The following PTPRT variants were observed in gnomAD, a reference collection of about 807,000 sequenced individuals.
The protein encoded by PTPRT is receptor-type tyrosine-protein phosphatase T.
Under a neutral mutation model 176.8 loss-of-function variants are expected in PTPRT, and 56 were observed. The ratio of observed to expected loss-of-function variants is 0.32; its 90% CI spans 0.26 to 0.40. The LOEUF is 0.40. PTPRT is among the 10% of genes least tolerant of loss of function. The probability of loss-of-function intolerance (pLI) is 1.00; values close to 1 mark genes in which losing one functional copy is unlikely to be tolerated. For synonymous variants in PTPRT, 783 were observed against 739.0 expected (o/e 1.06, Z -0.96); for missense variants, 1,540 against 1,908.2 (o/e 0.81, Z 3.60).
intron 3 of PTPRT, among the ~76,000 whole-genome samples, chr20:42,786,080 C>T (rs2077285672): frequency 6.6e-6 from 1 of 152,178 alleles, no homozygotes; most frequent in South Asian, 2.1e-4. Context: ...GTTCCTCCTT[C>T]ACAGGCTCTC....
At chr20:42,839,311 T>G (rs1342134793) in intron 2 of PTPRT, among the ~76,000 whole-genome samples, 2 of 151,640 alleles carry the variant, frequency 1.3e-5, no homozygotes, top group African/African-American at 2.4e-5. Context: ...CACTCTGTTT[T>G]TTTTTTTTTT....
intron 3 of PTPRT, among the ~76,000 whole-genome samples, chr20:42,786,508 C>CT (rs1191207300): frequency 6.6e-6 from 1 of 152,146 alleles, no homozygotes; most frequent in Non-Finnish European, 1.5e-5. Context: ...GTGCTTCCTA[C>CT]GCTGGAAGAT....
intron 15 of PTPRT, 104 bp from the exon 16 acceptor site, chr20:42,199,492 A>G: frequency 7.9e-7 from 1 of 1,272,732 alleles, no homozygotes; most frequent in Non-Finnish European, 1.1e-6. Context: ...CAACCCCCAA[A>G]TCTGGTTCAT....
intron 2 of PTPRT, among the ~76,000 whole-genome samples, chr20:42,862,676 G>A (rs919020923): frequency 3.3e-5 from 5 of 152,162 alleles, no homozygotes; most frequent in African/African-American, 1.2e-4. Context: ...CGAATGTGCC[G>A]ATCTGCATTG....
the PTPRT span, among the ~76,000 whole-genome samples, chr20:42,058,284 G>A: frequency 6.6e-6 from 1 of 152,168 alleles, no homozygotes; most frequent in African/African-American, 2.4e-5. Flanking sequence ...CTCATATAAA[G>A]GTTCTCTTAG....
At chr20:43,183,329 A>G (rs2015312981) in intron 1 of PTPRT, among the ~76,000 whole-genome samples, 2 of 152,230 alleles carry the variant, frequency 1.3e-5, no homozygotes, top group African/African-American at 4.8e-5. Context: ...GCCGGGGACC[A>G]GGCTTGACAA....
the PTPRT span, among the ~76,000 whole-genome samples, chr20:42,038,453 G>A: frequency 1.3e-5 from 2 of 152,308 alleles, no homozygotes; most frequent in East Asian, 3.9e-4. Context: ...CAATTGTGGA[G>A]AAGTTGGTGT....
intron 13 of PTPRT, among the ~76,000 whole-genome samples, chr20:42,260,298 G>T (rs77481141): frequency 2.6e-5 from 4 of 152,178 alleles, no homozygotes; most frequent in Non-Finnish European, 5.9e-5. Context: ...CTGCTGATGC[G>T]GATGAAGAGG....
Position 42,104,380 on chromosome 20 carries a change from C to T in PTPRT, c.3540+189G>A, listed in dbSNP as rs537141114. ...ACCACGTGAATATGCAACGAGAAGA[C>T]GGCTATCTGCAAGTCAGGAAGTGAG... On this transcript the variant is annotated intron_variant, in intron 25 of 30. Transcript: ENST00000373187. 9.8e-5 allele frequency among the ~76,000 whole-genome samples: 15 copies of T among 152,298 alleles called. 1 individual carries two copies. In the East Asian group the frequency reaches 2.9e-3, roughly 29 times the overall value.
intron 2 of PTPRT, among the ~76,000 whole-genome samples, chr20:42,804,776 G>A (rs2077581128): frequency 6.6e-6 from 1 of 152,152 alleles, no homozygotes; most frequent in South Asian, 2.1e-4. Context: ...GGTTGTAGAT[G>A]TACCCCTCCT....
the PTPRT span, among the ~76,000 whole-genome samples, chr20:42,037,569 G>A: frequency 6.6e-6 from 1 of 152,188 alleles, no homozygotes; most frequent in African/African-American, 2.4e-5. Flanking sequence ...ACAAGGGCAG[G>A]AGGGGAAAAC....
chr20:42,429,164 GA>G (rs2059193415), intron 9 of PTPRT, among the ~76,000 whole-genome samples: 1 of 152,136 alleles, frequency 6.6e-6, no homozygotes, highest in Non-Finnish European at 1.5e-5. Context: ...ATTAAATGGG[GA>G]TAGTGATCCT....
intron 2 of PTPRT, among the ~76,000 whole-genome samples, chr20:42,849,995 C>G (rs1479708829): frequency 6.6e-6 from 1 of 152,202 alleles, no homozygotes; most frequent in Non-Finnish European, 1.5e-5. Context: ...ACACAGATTA[C>G]ACAATGGATA....
At chr20:42,211,368 A>C (rs970380664) in intron 15 of PTPRT, among the ~76,000 whole-genome samples, 1 of 150,872 alleles carries the variant, frequency 6.6e-6, no homozygotes, top group African/African-American at 2.4e-5. Flanking sequence ...CAACCTACAA[A>C]ATGGGAGAAA....
In PTPRT at chr20:42,823,288, C is replaced by A. The variant is rs575063883; in HGVS notation, c.215-31822G>T. Among the ~76,000 whole-genome samples the A allele has an allele frequency of 2.6e-5, 4 of 152,224 alleles. No homozygotes were observed. In the South Asian group the frequency reaches 6.2e-4, roughly 24 times the overall value. The stretch of plus-strand genomic sequence containing the variant: ...CATCCTCAGCAAACTAACAGAGGAA[C>A]AGAAAACCAAACACCGCATGTTCTC... On this transcript the variant is annotated intron_variant, in intron 2 of 30. Coordinates refer to ENST00000373187, the MANE Select transcript of PTPRT (RefSeq NM_007050.6).
chr20:42,951,162 T>C (rs757795899), intron 1 of PTPRT, among the ~76,000 whole-genome samples: 7 of 150,682 alleles, frequency 4.6e-5, no homozygotes, highest in Non-Finnish European at 8.8e-5. Flanking sequence ...GATGTGTGGA[T>C]ATATGATAGA....
intron 7 of PTPRT, among the ~76,000 whole-genome samples, chr20:42,658,848 G>T (rs924656044): frequency 2.6e-5 from 4 of 151,920 alleles, no homozygotes; most frequent in South Asian, 2.1e-4. Context: ...GAAGTAAAAA[G>T]GTACTTGAGT....
At chr20:42,669,127 G>A (rs975374589) in intron 7 of PTPRT, among the ~76,000 whole-genome samples, 3 of 152,088 alleles carry the variant, frequency 2.0e-5, no homozygotes, top group Admixed American at 6.5e-5. Context: ...AGAGGAAGCA[G>A]AGAGTGCAGC....
chr20:42,934,736 G>A (rs1470593794), intron 1 of PTPRT, among the ~76,000 whole-genome samples: 2 of 152,074 alleles, frequency 1.3e-5, no homozygotes, highest in African/African-American at 4.8e-5. Context: ...GTAAATGAGA[G>A]GGTAAGAGAA....
Sources: allele counts gnomAD v4.1 joint callset (sites outside exome capture counted in the v4.1 genomes callset), GRCh38; gene constraint gnomAD v4.1.1; transcripts MANE v1.5; gene names NCBI Gene and HGNC (gene_info 2026-07-23, HGNC 2026-07-21).